AGBL1: variants seen among roughly 807,000 people sequenced by gnomAD.
The protein encoded by AGBL1 is AGBL carboxypeptidase 1.
AGBL1 carries 130 observed loss-of-function variants against 118.9 expected under a neutral mutation model. That is an observed-to-expected ratio of 1.09 (90% CI 0.95 to 1.26). The LOEUF (loss-of-function observed/expected upper bound fraction) is 1.26, where lower values mean the gene tolerates loss of function less well. Among genes scored for constraint, AGBL1 ranks in the 50% most tolerant of loss-of-function variants. The pLI, the probability that AGBL1 is intolerant of heterozygous loss-of-function variation, is 0.00. For missense variants in AGBL1, 1,584 were observed against 1,298.1 expected (o/e 1.22, Z -3.38); for synonymous variants, 555 against 478.9 (o/e 1.16, Z -2.08).
intron 22 of AGBL1, among the ~76,000 whole-genome samples, chr15:86,717,521 A>G (rs1386875217): frequency 1.3e-5 from 2 of 152,122 alleles, no homozygotes; most frequent in African/African-American, 4.8e-5. Context: ...CAATTCTTAT[A>G]TAGCCCCTCC....
intron 5 of AGBL1, among the ~76,000 whole-genome samples, chr15:86,209,057 C>G (rs1057473887): frequency 6.6e-6 from 1 of 152,100 alleles, no homozygotes; most frequent in Non-Finnish European, 1.5e-5. Flanking sequence ...TTATTTCTGC[C>G]TTCATTTCAT....
At chr15:86,494,399 T>C (rs939502007) in intron 18 of AGBL1, among the ~76,000 whole-genome samples, 2 of 152,074 alleles carry the variant, frequency 1.3e-5, no homozygotes, top group African/African-American at 4.8e-5. Context: ...CTGTTCTTTC[T>C]TATGGTCACA....
intron 5 of AGBL1, among the ~76,000 whole-genome samples, chr15:86,167,726 G>A (rs976158600): frequency 2.0e-5 from 3 of 152,202 alleles, no homozygotes; most frequent in African/African-American, 7.2e-5. Flanking sequence ...TCAGTTGGCT[G>A]GGAAGGAAAG....
intron 20 of AGBL1, 23 bp from the exon 21 acceptor site, chr15:86,554,338 T>C (rs2083702796): frequency 1.3e-6 from 2 of 1,534,912 alleles, no homozygotes; most frequent in African/African-American, 2.8e-5. Flanking sequence ...CTAATCATCG[T>C]TTGATTTTTG....
chr15:86,974,610 A>T (rs557087400), intron 23 of AGBL1, among the ~76,000 whole-genome samples: 2 of 144,162 alleles, frequency 1.4e-5, no homozygotes, highest in South Asian at 4.2e-4. Context: ...TATATAATAT[A>T]AATTATATAT....
chr15:86,392,525 C>G (rs1276183520), intron 17 of AGBL1, among the ~76,000 whole-genome samples: 1 of 152,154 alleles, frequency 6.6e-6, no homozygotes, highest in Non-Finnish European at 1.5e-5. Context: ...TTGTAATCTA[C>G]AGAACCCTGC....
intron 21 of AGBL1, among the ~76,000 whole-genome samples, chr15:86,632,258 A>G (rs964121490): frequency 4.6e-5 from 6 of 129,214 alleles, no homozygotes; most frequent in Admixed American, 4.1e-4. Context: ...GCAGCGCAAG[A>G]CCCTGTCTTT....
chr15:86,685,530 CAGTG>C (rs1053148582), intron 22 of AGBL1, among the ~76,000 whole-genome samples: 4 of 151,996 alleles, frequency 2.6e-5, no homozygotes, highest in African/African-American at 9.7e-5. Flanking sequence ...TGTGCTTTGC[CAGTG>C]AGTAATAAAA....
chr15:86,155,387 C>A (rs2077174366), intron 4 of AGBL1, among the ~76,000 whole-genome samples: 3 of 152,078 alleles, frequency 2.0e-5, no homozygotes. Flanking sequence ...GAAGTCATGG[C>A]TGCAGTGAGC....
intron 17 of AGBL1, among the ~76,000 whole-genome samples, chr15:86,344,200 A>AG (rs1567209224): frequency 6.6e-6 from 1 of 152,234 alleles, no homozygotes; most frequent in East Asian, 1.9e-4. Flanking sequence ...TGGACAAAAA[A>AG]GCAGAATTGT....
chr15:86,445,025 C>T (rs943787867), intron 18 of AGBL1, among the ~76,000 whole-genome samples: 11 of 152,112 alleles, frequency 7.2e-5, no homozygotes, highest in East Asian at 3.8e-4. Context: ...GTGGAAACCA[C>T]GTTGTCTTTG....
At chr15:86,899,072 C>A (rs542021213) in intron 22 of AGBL1, among the ~76,000 whole-genome samples, 7 of 152,170 alleles carry the variant, frequency 4.6e-5, no homozygotes, top group Non-Finnish European at 1.0e-4. Flanking sequence ...CATTCTACCG[C>A]AAAGACACAT....
At chr15:86,139,973 TCTC>T (rs1424722825) in intron 1 of AGBL1, 2 of 159,438 alleles carry the variant, frequency 1.3e-5, no homozygotes, top group Non-Finnish European at 2.8e-5. Context: ...CTGGGGACAA[TCTC>T]CTCCACCTTC....
At chr15:86,180,879 T>C (rs923261254) in intron 5 of AGBL1, among the ~76,000 whole-genome samples, 3 of 152,094 alleles carry the variant, frequency 2.0e-5, no homozygotes, top group Admixed American at 2.0e-4. Context: ...GATATGTCAC[T>C]AGAGAAGATA....
intron 22 of AGBL1, among the ~76,000 whole-genome samples, chr15:86,903,498 C>T (rs1033134336): frequency 2.6e-5 from 4 of 152,256 alleles, no homozygotes; most frequent in Admixed American, 2.6e-4. Context: ...ATTTTAACAG[C>T]TGTATCATCT....
At chr15:86,983,967 T>G (rs4533254) in intron 23 of AGBL1, among the ~76,000 whole-genome samples, 83,649 of 151,998 alleles carry the variant, frequency 0.55, 25,120 homozygotes, top group South Asian at 0.72. Flanking sequence ...TTCTTATTAA[T>G]TTGGATCCTA....
At chr15:86,644,725 G>A (rs900474670) in intron 21 of AGBL1, among the ~76,000 whole-genome samples, 3 of 152,010 alleles carry the variant, frequency 2.0e-5, no homozygotes, top group African/African-American at 7.2e-5. Context: ...AGGAGACGTG[G>A]CTGGGCGTGG....
chr15:86,889,983 C>T (rs2080028011), intron 22 of AGBL1, among the ~76,000 whole-genome samples: 1 of 152,190 alleles, frequency 6.6e-6, no homozygotes, highest in African/African-American at 2.4e-5. Flanking sequence ...CTGTCTTCCA[C>T]AATGGTTGAA....
chr15:86,604,850 C>T (rs1270698638), intron 21 of AGBL1, among the ~76,000 whole-genome samples: 1 of 138,908 alleles, frequency 7.2e-6, no homozygotes, highest in East Asian at 2.1e-4. Flanking sequence ...GGTTAGAGTA[C>T]AATTATGTGA....
Sources: gnomAD v4.1 joint callset for allele counts (sites outside exome capture counted in the v4.1 genomes callset) on GRCh38, gnomAD v4.1.1 for gene constraint, MANE v1.5 for transcripts, NCBI Gene and HGNC (gene_info 2026-07-23, HGNC 2026-07-21) for gene names.